DNAJC16: variants seen among roughly 807,000 people sequenced by gnomAD.
DNAJC16 encodes the protein dnaJ homolog subfamily C member 16.
Under a neutral mutation model 92.7 loss-of-function variants are expected in DNAJC16, and 76 were observed. That is an observed-to-expected ratio of 0.82 (90% CI 0.68 to 0.99). DNAJC16 has a LOEUF of 0.99. DNAJC16 is among the 50% of genes least tolerant of loss of function. The pLI, the probability that DNAJC16 is intolerant of heterozygous loss-of-function variation, is 0.00. For synonymous variants in DNAJC16, 328 were observed against 358.7 expected (o/e 0.91, Z 0.97); for missense variants, 869 against 942.4 (o/e 0.92, Z 1.02).
chr1:15,537,590 T>A (rs1427301538), intron 4 of DNAJC16, among the ~76,000 whole-genome samples: 1 of 152,222 alleles, frequency 6.6e-6, no homozygotes, highest in Non-Finnish European at 1.5e-5. Context: ...TTTTTCTCAG[T>A]CAACTTTCAT....
At chr1:15,559,682 C>A in intron 8 of DNAJC16, 26 bp downstream of exon 8, 1 of 1,610,048 alleles carries the variant, frequency 6.2e-7, no homozygotes, top group Non-Finnish European at 8.5e-7. Flanking sequence ...TTTGCCTCTG[C>A]TTGTTATTAC....
Position 15,559,520 on chromosome 1 carries a change from C to CT in DNAJC16, c.1024-5dup. 6.2e-7 allele frequency: 1 copy of CT among 1,613,830 alleles called. No homozygotes were observed. The highest frequency in any genetic ancestry group is 8.5e-7 in the Non-Finnish European group (1 of 1,179,850). ...AAAATCTAGCTGATTCTTGGTTTTT[C>CT]TCTAGGCCCGAGGTATGAAGAAGCA... is the stretch of plus-strand genomic sequence containing the variant. On this transcript the variant is annotated splice_polypyrimidine_tract_variant and splice_region_variant and intron_variant, in intron 7 of 14. Coordinates refer to ENST00000375847, the MANE Select transcript of DNAJC16 (RefSeq NM_015291.4).
At chr1:15,543,386 C>T (rs962836963) in intron 4 of DNAJC16, among the ~76,000 whole-genome samples, 1 of 152,146 alleles carries the variant, frequency 6.6e-6, no homozygotes, top group Admixed American at 6.5e-5. Flanking sequence ...CAGCCAAGGC[C>T]CTGAGGCAGG....
chr1:15,546,905 C>CTTTTT (rs774836811), intron 6 of DNAJC16, 34 bp downstream of exon 6: 1 of 1,098,560 alleles, frequency 9.1e-7, no homozygotes, highest in Non-Finnish European at 1.2e-6. Flanking sequence ...GTTTCTTTTT[C>CTTTTT]TTTTCTTTTC....
chr1:15,542,958 G>A (rs1710967264), intron 4 of DNAJC16, among the ~76,000 whole-genome samples: 2 of 152,198 alleles, frequency 1.3e-5, no homozygotes, highest in South Asian at 4.1e-4. Flanking sequence ...GGAAAGCATT[G>A]TGTTGAGTGT....
At chr1:15,536,199 G>A (rs146586795) in intron 3 of DNAJC16, among the ~76,000 whole-genome samples, 187 of 148,828 alleles carry the variant, frequency 1.3e-3, no homozygotes, top group African/African-American at 4.3e-3. Flanking sequence ...TCAGCCTCCC[G>A]AGTAGCTGGG....
intron 9 of DNAJC16, among the ~76,000 whole-genome samples, chr1:15,563,688 A>AT (rs1638742055): frequency 6.7e-6 from 1 of 149,262 alleles, no homozygotes; most frequent in Non-Finnish European, 1.5e-5. Flanking sequence ...AAAAAAAAAA[A>AT]AATACCAAAA....
Position 15,569,631 on chromosome 1 carries a change from C to CTTTTTT in DNAJC16, c.*1468_*1473dup, listed in dbSNP as rs377498367. Reference sequence around the variant, plus strand: ...GTGATGGGACATTTACTAAGTATTTCTTTTTTTTTTTTTTTTTTTAGTTGT... The same window carrying CTTTTTT: ...GTGATGGGACATTTACTAAGTATTTCTTTTTTTTTTTTTTTTTTTTTTTTTAGTTGT... On this transcript the variant is annotated 3_prime_UTR_variant, in exon 15 of 15. Coordinates refer to ENST00000375847, the MANE Select transcript of DNAJC16 (RefSeq NM_015291.4). 15 of 126,738 alleles carry CTTTTTT rather than the reference C, an allele frequency of 1.2e-4. No homozygotes were observed. The highest frequency in any genetic ancestry group is 1.5e-4 in the African/African-American group (5 of 33,860). The allele number at this position is 126,738 out of a possible 1,614,324, so 7.9% of individuals were successfully genotyped here. A position where few individuals can be genotyped will look rare whatever the true frequency, so the allele number is the denominator to read the frequency against.
Position 15,566,005 on chromosome 1 carries a change from T to C in DNAJC16, c.1679+6T>C. ...GTCATCGTTCAGGCTTTCAGGTAAATGTCCTGTGGCTTCTCGGTGCACCAC... is the reference window on the plus strand; with the variant it reads ...GTCATCGTTCAGGCTTTCAGGTAAACGTCCTGTGGCTTCTCGGTGCACCAC... On this transcript the variant is annotated splice_donor_region_variant and intron_variant, in intron 12 of 14. Transcript: ENST00000375847. 6.2e-7 allele frequency: 1 copy of C among 1,614,026 alleles called. No individual in the cohort carries two copies. Among genetic ancestry groups the C allele is most frequent in the Non-Finnish European group, 8.5e-7 (1 of 1,179,994 alleles).
chr1:15,549,080 G>A (rs1169529737), intron 7 of DNAJC16, among the ~76,000 whole-genome samples: 1 of 152,142 alleles, frequency 6.6e-6, no homozygotes, highest in East Asian at 1.9e-4. Flanking sequence ...ACTGTTGAGG[G>A]TATAGAGAAA....
rs1325421984 is a variant in DNAJC16 at position 15,564,112 on chromosome 1, G to A, written c.1521+1G>A. The A allele has an allele frequency of 8.1e-6, 13 of 1,613,860 alleles. No homozygotes were observed. Among genetic ancestry groups the A allele is most frequent in the African/African-American group, 2.7e-5 (2 of 74,928 alleles). On this transcript the variant is annotated splice_donor_variant, in intron 10 of 14. Transcript: ENST00000375847. LOFTEE classifies it high-confidence loss of function. Reference sequence around the variant, plus strand: ...TGACCTGACCGATGAACTTGCCCCTGTGAGCATCGGGGCTGGGAAGGGTGG... The same window carrying A: ...TGACCTGACCGATGAACTTGCCCCTATGAGCATCGGGGCTGGGAAGGGTGG...
At chr1:15,535,409 C>T (rs1002817804) in intron 3 of DNAJC16, among the ~76,000 whole-genome samples, 2 of 152,182 alleles carry the variant, frequency 1.3e-5, no homozygotes, top group Non-Finnish European at 2.9e-5. Context: ...TAATGTTTCT[C>T]TAGTGAAAGA....
intron 4 of DNAJC16, among the ~76,000 whole-genome samples, chr1:15,539,253 T>TA (rs1710873139): frequency 6.6e-6 from 1 of 151,962 alleles, no homozygotes; most frequent in African/African-American, 2.4e-5. Context: ...ATTTTTTTTT[T>TA]TTATTTTTTT....
intron 5 of DNAJC16, among the ~76,000 whole-genome samples, chr1:15,545,621 C>T (rs1638283697): frequency 6.6e-6 from 1 of 152,042 alleles, no homozygotes; most frequent in African/African-American, 2.4e-5. Flanking sequence ...ATGAAATAGC[C>T]CGCTTTGTAA....
chr1:15,559,506 G>GATTT lies in DNAJC16; in HGVS notation c.1024-17_1024-16insTATT. On this transcript the variant is annotated intron_variant, in intron 7 of 14. Transcript: ENST00000375847. ...TGAGAACACTGCATAAAATCTAGCT[G>GATTT]ATTCTTGGTTTTTCTCTAGGCCCGA... 2 of 1,613,616 alleles carry GATTT rather than the reference G, an allele frequency of 1.2e-6. No homozygotes were observed. Among genetic ancestry groups the GATTT allele is most frequent in the South Asian group, 1.1e-5 (1 of 91,018 alleles).
At chr1:15,530,450 T>C (rs888623897) in intron 2 of DNAJC16, among the ~76,000 whole-genome samples, 1 of 152,244 alleles carries the variant, frequency 6.6e-6, no homozygotes, top group Non-Finnish European at 1.5e-5. Context: ...ATCATCAGTT[T>C]CTTCCACCAA....
At chr1:15,533,968 C>G (rs1710720441) in intron 2 of DNAJC16, among the ~76,000 whole-genome samples, 1 of 152,180 alleles carries the variant, frequency 6.6e-6, no homozygotes. Context: ...TGCACCATTT[C>G]CCACCTTCCT....
Position 15,540,683 on chromosome 1 carries a change from C to T in DNAJC16, c.575-3716C>T, listed in dbSNP as rs530791. Among the ~76,000 whole-genome samples the T allele has an allele frequency of 5.4e-3, 820 of 152,206 alleles. 7 individuals carry two copies. The highest frequency in any genetic ancestry group is 0.018 in the African/African-American group (738 of 41,520). ...AACTCCTGGTCACAAGCGATCCTCC[C>T]GCCTCAGCCTCCCAAAGCACTGGTA... On this transcript the variant is annotated intron_variant, in intron 4 of 14. Coordinates refer to ENST00000375847, the MANE Select transcript of DNAJC16 (RefSeq NM_015291.4).
chr1:15,527,712 G>C (rs1261196203), intron 1 of DNAJC16, among the ~76,000 whole-genome samples: 1 of 152,098 alleles, frequency 6.6e-6, no homozygotes, highest in Non-Finnish European at 1.5e-5. Context: ...AATTTTAAAC[G>C]TTGGTCATCA....
Sources: allele counts gnomAD v4.1 joint callset (sites outside exome capture counted in the v4.1 genomes callset), GRCh38; gene constraint gnomAD v4.1.1; transcripts MANE v1.5; gene names NCBI Gene and HGNC (gene_info 2026-07-23, HGNC 2026-07-21).